PCSK2: variants seen among roughly 807,000 people sequenced by gnomAD.
PCSK2 encodes neuroendocrine convertase 2.
In PCSK2, 14 loss-of-function variants were observed where a neutral mutation model predicts 69.7. The observed-to-expected ratio is 0.20, with a 90% CI of 0.13 to 0.31. The LOEUF (loss-of-function observed/expected upper bound fraction) is 0.31. PCSK2 is among the 10% of genes least tolerant of loss of function. The probability of loss-of-function intolerance (pLI) is 1.00; values close to 1 mark genes in which losing one functional copy is unlikely to be tolerated. For missense variants in PCSK2, 544 were observed against 842.5 expected, an observed-to-expected ratio of 0.65 and a Z score of 4.39; for synonymous variants, 307 against 320.7, an observed-to-expected ratio of 0.96 and a Z score of 0.46.
chr20:17,455,520 G>C (rs7273894), intron 9 of PCSK2, among the ~76,000 whole-genome samples: 12,224 of 152,260 alleles, frequency 0.08, 648 homozygotes, highest in Non-Finnish European at 0.12. Context: ...TTTAGATGTA[G>C]AGAAACATGT....
intron 1 of PCSK2, among the ~76,000 whole-genome samples, chr20:17,256,491 G>T (rs1239733061): frequency 1.3e-5 from 2 of 151,956 alleles, no homozygotes; most frequent in Non-Finnish European, 2.9e-5. Context: ...TTGAAAATTT[G>T]ACATTTTAAA....
intron 8 of PCSK2, among the ~76,000 whole-genome samples, chr20:17,442,572 T>C (rs74590756): frequency 0.014 from 2,082 of 152,286 alleles, 55 homozygotes; most frequent in African/African-American, 0.047. Flanking sequence ...TTTCTTCTAG[T>C]TCAGGACCTT....
At chr20:17,356,814 G>T (rs1356257742) in intron 2 of PCSK2, among the ~76,000 whole-genome samples, 3 of 152,116 alleles carry the variant, frequency 2.0e-5, no homozygotes, top group Admixed American at 6.5e-5. Context: ...GGATAAATGG[G>T]CTCCAGGGGA....
chr20:17,426,655 C>A (rs1178670502), intron 6 of PCSK2, among the ~76,000 whole-genome samples: 2 of 152,206 alleles, frequency 1.3e-5, no homozygotes, highest in Admixed American at 1.3e-4. Context: ...AGCCAATGGT[C>A]CAGCTTGAGT....
intron 2 of PCSK2, among the ~76,000 whole-genome samples, chr20:17,340,739 A>G (rs75983177): frequency 1.9e-3 from 294 of 152,288 alleles, no homozygotes; most frequent in Non-Finnish European, 2.9e-3. Context: ...AATCTTCAGC[A>G]GAATGTTCCC....
chr20:17,292,206 A>C (rs562931672), intron 2 of PCSK2, among the ~76,000 whole-genome samples: 5 of 152,104 alleles, frequency 3.3e-5, no homozygotes, highest in African/African-American at 1.2e-4. Flanking sequence ...TATTACCTGC[A>C]TTTCTTTTTA....
At chr20:17,396,238 T>C (rs2031508536) in intron 5 of PCSK2, among the ~76,000 whole-genome samples, 1 of 152,216 alleles carries the variant, frequency 6.6e-6, no homozygotes, top group African/African-American at 2.4e-5. Flanking sequence ...GACCCTTGAC[T>C]GTACACCCAG....
intron 2 of PCSK2, 63 bp from the exon 3 acceptor site, chr20:17,358,264 C>A: frequency 9.4e-7 from 1 of 1,060,848 alleles, no homozygotes; most frequent in Non-Finnish European, 1.5e-6. Context: ...TTCATGGAAA[C>A]AAATTCCAGA....
intron 6 of PCSK2, among the ~76,000 whole-genome samples, chr20:17,426,462 C>T (rs1338108804): frequency 6.6e-6 from 1 of 152,184 alleles, no homozygotes; most frequent in African/African-American, 2.4e-5. Context: ...AACTAAGAAA[C>T]CAGCAAAAGC....
At chr20:17,359,130 G>A (rs1027469272) in intron 3 of PCSK2, among the ~76,000 whole-genome samples, 37 of 152,290 alleles carry the variant, frequency 2.4e-4, no homozygotes, top group African/African-American at 7.2e-4. Context: ...TGACTAATTT[G>A]TAAATGTGAA....
chr20:17,348,004 GAA>G (rs142462251), intron 2 of PCSK2, among the ~76,000 whole-genome samples: 10,315 of 115,990 alleles, frequency 0.089, 1,262 homozygotes, highest in African/African-American at 0.15. Context: ...AAAAGAGAAA[GAA>G]AGAAAGAGAG....
chr20:17,360,843 T>G (rs960604524), intron 4 of PCSK2, among the ~76,000 whole-genome samples: 1 of 152,064 alleles, frequency 6.6e-6, no homozygotes, highest in Non-Finnish European at 1.5e-5. Context: ...TAACAAATAT[T>G]TTTTGAATTA....
rs542353296 is a variant in PCSK2, at chr20:17,282,730, T to C, written c.282+22386T>C. On this transcript the variant is annotated intron_variant, in intron 2 of 11. Transcript: ENST00000262545. ...GACTCATTAGTGGAAGTATTTCCTTTGAAAGGGCACACACGCTGTGAAAAA... is the reference window on the plus strand; with the variant it reads ...GACTCATTAGTGGAAGTATTTCCTTCGAAAGGGCACACACGCTGTGAAAAA... 1.3e-4 allele frequency among the ~76,000 whole-genome samples: 19 copies of C among 151,916 alleles called. No homozygotes were observed. The South Asian group carries it at 3.7e-3, about 30-fold the overall frequency.
chr20:17,243,204 T>A (rs927713286), intron 1 of PCSK2, among the ~76,000 whole-genome samples: 1 of 152,192 alleles, frequency 6.6e-6, no homozygotes, highest in Non-Finnish European at 1.5e-5. Flanking sequence ...GTTTGGGTAA[T>A]TTTTTATTGT....
chr20:17,359,470 C>G (rs879731158), intron 3 of PCSK2, among the ~76,000 whole-genome samples: 11 of 152,198 alleles, frequency 7.2e-5, no homozygotes, highest in Non-Finnish European at 1.6e-4. Context: ...GCTGACCAAC[C>G]TCCATCTGAG....
chr20:17,457,857 C>A (rs183726512), intron 10 of PCSK2, among the ~76,000 whole-genome samples: 4 of 152,302 alleles, frequency 2.6e-5, no homozygotes, highest in Admixed American at 1.3e-4. Flanking sequence ...GAAGTCAGGA[C>A]TTGACTCACA....
intron 8 of PCSK2, among the ~76,000 whole-genome samples, chr20:17,442,017 CAAAA>C (rs11483753): frequency 1.1e-5 from 1 of 93,462 alleles, no homozygotes. Flanking sequence ...ATTTAAAAGA[CAAAA>C]AAAAAAAAAA....
At chr20:17,273,166 T>G (rs1252953939) in intron 2 of PCSK2, among the ~76,000 whole-genome samples, 1 of 152,148 alleles carries the variant, frequency 6.6e-6, no homozygotes, top group African/African-American at 2.4e-5. Flanking sequence ...AATGAGTAAG[T>G]CAAGATATCT....
At chr20:17,329,063 A>G (rs1426831389) in intron 2 of PCSK2, among the ~76,000 whole-genome samples, 1 of 152,198 alleles carries the variant, frequency 6.6e-6, no homozygotes, top group Admixed American at 6.5e-5. Flanking sequence ...CTAGCTTTTT[A>G]ATTAAAAATA....
Sources: allele counts gnomAD v4.1 joint callset (sites outside exome capture counted in the v4.1 genomes callset), GRCh38; gene constraint gnomAD v4.1.1; transcripts MANE v1.5; gene names NCBI Gene and HGNC (gene_info 2026-07-23, HGNC 2026-07-21).